RAPGEF5: variants seen among roughly 807,000 people sequenced by gnomAD.
RAPGEF5 encodes M-Ras-regulated GEF.
RAPGEF5 carries 65 observed loss-of-function variants against 125.2 expected under a neutral mutation model. That is an observed-to-expected ratio of 0.52 (90% CI 0.43 to 0.64). RAPGEF5 has a LOEUF of 0.64. Ranked by LOEUF, RAPGEF5 falls within the 30% of genes least tolerant of loss-of-function variation. The pLI is 0.00. For synonymous variants in RAPGEF5, 391 were observed against 385.9 expected, an observed-to-expected ratio of 1.01 and a Z score of -0.16; for missense variants, 958 against 1,048.1, an observed-to-expected ratio of 0.91 and a Z score of 1.19.
intron 1 of RAPGEF5, among the ~76,000 whole-genome samples, chr7:22,332,849 G>A (rs1218968272): frequency 6.6e-6 from 1 of 152,106 alleles, no homozygotes; most frequent in Non-Finnish European, 1.5e-5. Context: ...TACGCCTGAG[G>A]GAGCAACCCA....
intron 9 of RAPGEF5, among the ~76,000 whole-genome samples, chr7:22,201,919 G>A (rs773004318): frequency 2.6e-5 from 4 of 152,156 alleles, no homozygotes; most frequent in Non-Finnish European, 5.9e-5. Context: ...AACAGTGGCT[G>A]GTTTGGTTTG....
chr7:22,310,154 A>G, intron 3 of RAPGEF5, 64 bp from the exon 4 acceptor site: 1 of 1,405,972 alleles, frequency 7.1e-7, no homozygotes, highest in Non-Finnish European at 9.3e-7. Flanking sequence ...AAAAAACAAA[A>G]ATGATATATA....
intron 9 of RAPGEF5, chr7:22,202,991 A>C: frequency 3.8e-6 from 1 of 262,488 alleles, no homozygotes; most frequent in Admixed American, 4.7e-5. Context: ...AGTATTACAA[A>C]ATTGAATTTG....
At chr7:22,355,620 C>A (rs1338189733) in intron 1 of RAPGEF5, among the ~76,000 whole-genome samples, 1 of 152,158 alleles carries the variant, frequency 6.6e-6, no homozygotes, top group Non-Finnish European at 1.5e-5. Context: ...TGTCCCATCA[C>A]ACACAGAGAA....
chr7:22,125,368 C>G (rs1394958293), intron 25 of RAPGEF5: 1 of 434,428 alleles, frequency 2.3e-6, no homozygotes, highest in African/African-American at 2.0e-5. Flanking sequence ...TCACTCTTCA[C>G]AGCATAAACT....
intron 7 of RAPGEF5, among the ~76,000 whole-genome samples, chr7:22,238,852 C>G (rs570238221): frequency 6.6e-6 from 1 of 152,198 alleles, no homozygotes; most frequent in African/African-American, 2.4e-5. Context: ...ATAGTTTGCA[C>G]AGAATTATAC....
At position 22,279,567 on chromosome 7, in the gene RAPGEF5, A is replaced by G. The variant is rs1036370957; in HGVS notation, c.747+11608T>C. Among the ~76,000 whole-genome samples the G allele has an allele frequency of 5.3e-5, 8 of 152,184 alleles. No individual in the cohort carries two copies. The South Asian group carries it at 8.3e-4, about 16-fold the overall frequency. On this transcript the variant is annotated intron_variant, in intron 6 of 25. Transcript: ENST00000665637. ...TGGTGAAAAGTGCTCAGACCTCCGA[A>G]AGATAGAGCTAGGTGCACCCCCACA...
At chr7:22,226,734 A>G (rs1389085785) in intron 8 of RAPGEF5, among the ~76,000 whole-genome samples, 1 of 152,176 alleles carries the variant, frequency 6.6e-6, no homozygotes, top group African/African-American at 2.4e-5. Context: ...TCATTTCATA[A>G]TTCCTAGCCC....
At chr7:22,318,336 G>A (rs1301921516) in intron 1 of RAPGEF5, among the ~76,000 whole-genome samples, 3 of 152,046 alleles carry the variant, frequency 2.0e-5, no homozygotes, top group East Asian at 1.9e-4. Flanking sequence ...GATGTGTTTT[G>A]GATTCCATTT....
intron 9 of RAPGEF5, among the ~76,000 whole-genome samples, chr7:22,198,796 TA>T (rs1312059248): frequency 6.6e-6 from 1 of 152,202 alleles, no homozygotes. Context: ...CTAATCACTA[TA>T]ATGATCCTAT....
chr7:22,192,343 T>C (rs1318984111), intron 11 of RAPGEF5: 3 of 152,312 alleles, frequency 2.0e-5, no homozygotes, highest in Non-Finnish European at 2.9e-5. Context: ...TGCCCACTTA[T>C]GTATTTCACA....
At chr7:22,281,918 A>G (rs752066878) in intron 6 of RAPGEF5, among the ~76,000 whole-genome samples, 2 of 152,214 alleles carry the variant, frequency 1.3e-5, no homozygotes, top group Non-Finnish European at 2.9e-5. Context: ...CGCTCTGCCC[A>G]CCGGATACAC....
intron 9 of RAPGEF5, among the ~76,000 whole-genome samples, chr7:22,218,540 G>A (rs1297326389): frequency 6.6e-6 from 1 of 152,154 alleles, no homozygotes; most frequent in Non-Finnish European, 1.5e-5. Flanking sequence ...TGGGGGAAAT[G>A]TGCATCTTGA....
intron 1 of RAPGEF5, among the ~76,000 whole-genome samples, chr7:22,353,071 T>C: frequency 6.6e-6 from 1 of 152,234 alleles, no homozygotes. Context: ...AGGTTACTTG[T>C]CTTTGAACCT....
intron 9 of RAPGEF5, 103 bp from the exon 10 acceptor site, chr7:22,194,136 G>T: frequency 1.0e-6 from 1 of 979,768 alleles, no homozygotes; most frequent in Non-Finnish European, 1.5e-6. Context: ...TTCTAGAGTT[G>T]CTTTACAGTA....
At chr7:22,173,339 C>T (rs528930601) in intron 11 of RAPGEF5, among the ~76,000 whole-genome samples, 24 of 152,194 alleles carry the variant, frequency 1.6e-4, no homozygotes, top group Admixed American at 3.3e-4. Context: ...CGACCTCGAA[C>T]GCAGCTTTTT....
At chr7:22,153,516 G>A (rs565483262) in intron 17 of RAPGEF5, among the ~76,000 whole-genome samples, 167 of 152,184 alleles carry the variant, frequency 1.1e-3, no homozygotes, top group African/African-American at 2.9e-3. Flanking sequence ...ATTTGCATAC[G>A]TAATCAACCA....
At chr7:22,128,004 C>T (rs1361256748) in intron 24 of RAPGEF5, among the ~76,000 whole-genome samples, 1 of 152,142 alleles carries the variant, frequency 6.6e-6, no homozygotes, top group Non-Finnish European at 1.5e-5. Flanking sequence ...TTTCCTTCCC[C>T]AGATTTTACC....
At chr7:22,170,809 T>C (rs999690477) in intron 11 of RAPGEF5, among the ~76,000 whole-genome samples, 14 of 152,312 alleles carry the variant, frequency 9.2e-5, no homozygotes, top group African/African-American at 3.4e-4. Flanking sequence ...AGCATTTACC[T>C]AATTATCTGT....
Sources: allele counts gnomAD v4.1 joint callset (sites outside exome capture counted in the v4.1 genomes callset), GRCh38; gene constraint gnomAD v4.1.1; transcripts MANE v1.5; gene names NCBI Gene and HGNC (gene_info 2026-07-23, HGNC 2026-07-21).